MGAT4C: variants seen among roughly 807,000 people sequenced by gnomAD.
The protein encoded by MGAT4C is alpha-1,3-mannosyl-glycoprotein 4-beta-N-acetylglucosaminyltransferase C.
A neutral mutation model predicts 40.1 loss-of-function variants in MGAT4C; 19 were observed. That is an observed-to-expected ratio of 0.47 (90% CI 0.33 to 0.70). MGAT4C has a LOEUF of 0.70. MGAT4C is among the 30% of genes least tolerant of loss of function. The pLI, the probability that MGAT4C is intolerant of heterozygous loss-of-function variation, is 0.02. For missense variants in MGAT4C, 491 were observed against 563.2 expected (o/e 0.87, Z 1.30); for synonymous variants, 181 against 187.1 (o/e 0.97, Z 0.27).
intron 3 of MGAT4C, among the ~76,000 whole-genome samples, chr12:86,430,464 C>T (rs904444032): frequency 1.3e-5 from 2 of 152,086 alleles, no homozygotes; most frequent in Admixed American, 6.6e-5. Flanking sequence ...CTGGGGACAT[C>T]CTTGGGGAGG....
rs1016870629 is a variant in MGAT4C, at chr12:85,957,439, G to A, written c.*21850C>T. ...CTAGCCTTCCTTTCATGACATGCAT[G>A]AACTCTAGCAGTGGCTAGAAGGAAA... On this transcript the variant is annotated 3_prime_UTR_variant, in exon 5 of 5. Coordinates refer to ENST00000611864, the MANE Select transcript of MGAT4C (RefSeq NM_001351288.2). 7.9e-5 allele frequency: 12 copies of A among 152,084 alleles called. No individual in the cohort carries two copies. The highest frequency in any genetic ancestry group is 2.7e-4 in the African/African-American group (11 of 41,426). The allele number at this position is 152,084 out of a possible 1,614,324, so 9.4% of individuals were successfully genotyped here. A position where few individuals can be genotyped will look rare whatever the true frequency, so the allele number is the denominator to read the frequency against.
intron 2 of MGAT4C, among the ~76,000 whole-genome samples, chr12:86,723,129 T>G (rs1351554834): frequency 6.6e-6 from 1 of 152,204 alleles, no homozygotes; most frequent in East Asian, 1.9e-4. Context: ...AACAACATTG[T>G]CTCTTACTAC....
At chr12:85,983,753 A>G in intron 3 of MGAT4C, 83 bp from the exon 4 acceptor site, 2 of 1,122,688 alleles carry the variant, frequency 1.8e-6, no homozygotes, top group Non-Finnish European at 2.5e-6. Flanking sequence ...TACACAATAA[A>G]TGTACGACTA....
chr12:86,750,808 T>C (rs1020599604), intron 1 of MGAT4C, among the ~76,000 whole-genome samples: 3 of 151,870 alleles, frequency 2.0e-5, no homozygotes, highest in Non-Finnish European at 2.9e-5. Flanking sequence ...TAGTCAACAA[T>C]TGTTGAAGGC....
chr12:86,104,358 C>T (rs1356479264), intron 1 of MGAT4C, among the ~76,000 whole-genome samples: 3 of 151,780 alleles, frequency 2.0e-5, no homozygotes, highest in South Asian at 2.1e-4. Flanking sequence ...GACAGTCAAT[C>T]GAGCCTAGGA....
At chr12:86,431,449 G>C (rs1338414689) in intron 3 of MGAT4C, among the ~76,000 whole-genome samples, 1 of 152,146 alleles carries the variant, frequency 6.6e-6, no homozygotes, top group East Asian at 1.9e-4. Context: ...CCAGGAGAGA[G>C]GGTGTTTTCA....
chr12:86,616,946 T>TTC, intron 2 of MGAT4C, among the ~76,000 whole-genome samples: 1 of 152,304 alleles, frequency 6.6e-6, no homozygotes, highest in Non-Finnish European at 1.5e-5. Context: ...AAACCTGTTA[T>TTC]TTGTTGTGTT....
chr12:86,057,802 A>G (rs1403907557), intron 1 of MGAT4C, among the ~76,000 whole-genome samples: 3 of 152,204 alleles, frequency 2.0e-5, no homozygotes, highest in Non-Finnish European at 4.4e-5. Flanking sequence ...ATAAATTCAT[A>G]TAAGATTTTC....
At chr12:86,483,496 G>A (rs1957969100) in intron 2 of MGAT4C, among the ~76,000 whole-genome samples, 1 of 151,918 alleles carries the variant, frequency 6.6e-6, no homozygotes, top group African/African-American at 2.4e-5. Context: ...TTTCTTGAAG[G>A]AAAATCAAAA....
chr12:86,323,130 G>T (rs1211975268), intron 4 of MGAT4C, among the ~76,000 whole-genome samples: 6 of 141,392 alleles, frequency 4.2e-5, no homozygotes, highest in African/African-American at 1.5e-4. Context: ...TTTCTTGGAA[G>T]TTTTTTTTTT....
At chr12:86,268,935 C>T (rs550018503) in intron 4 of MGAT4C, among the ~76,000 whole-genome samples, 11 of 139,808 alleles carry the variant, frequency 7.9e-5, no homozygotes, top group Admixed American at 1.5e-4. Flanking sequence ...TATTACAGTA[C>T]CCCTTTCGAA....
intron 2 of MGAT4C, chr12:86,011,884 C>T (rs1355621243): frequency 1.4e-5 from 14 of 984,008 alleles, no homozygotes; most frequent in African/African-American, 1.7e-5. Flanking sequence ...ATATAAACTT[C>T]CATGTCACAT....
intron 1 of MGAT4C, among the ~76,000 whole-genome samples, chr12:86,065,574 C>T (rs1894459332): frequency 6.6e-6 from 1 of 151,810 alleles, no homozygotes; most frequent in Non-Finnish European, 1.5e-5. Flanking sequence ...ATAATAGGAG[C>T]TATTTATGAC....
At chr12:86,159,877 TATA>T (rs763234571) in intron 1 of MGAT4C, among the ~76,000 whole-genome samples, 27 of 152,070 alleles carry the variant, frequency 1.8e-4, no homozygotes, top group Non-Finnish European at 3.7e-4. Flanking sequence ...TGGGGTCAGT[TATA>T]ATATCACCTT....
intron 2 of MGAT4C, among the ~76,000 whole-genome samples, chr12:86,643,908 T>TTAAAAGGTGAATTTGTTGTTTTGTGAA (rs1963462069): frequency 6.6e-6 from 1 of 151,790 alleles, no homozygotes; most frequent in African/African-American, 2.4e-5. Flanking sequence ...ATTGTATACT[T>TTAAAAGGTGAATTTGTTGTTTTGTGAA]TAAAAGGTGA....
intron 1 of MGAT4C, among the ~76,000 whole-genome samples, chr12:86,100,590 C>T (rs934722206): frequency 9.9e-5 from 15 of 151,310 alleles, no homozygotes; most frequent in Admixed American, 3.3e-4. Flanking sequence ...TTGACATATA[C>T]GATGGTTTGC....
At chr12:86,783,036 T>A (rs1951870765) in intron 1 of MGAT4C, among the ~76,000 whole-genome samples, 1 of 152,170 alleles carries the variant, frequency 6.6e-6, no homozygotes, top group Non-Finnish European at 1.5e-5. Flanking sequence ...TCCTAAATTA[T>A]CTCATAGCTT....
At chr12:86,253,898 T>A (rs893949528) in intron 1 of MGAT4C, among the ~76,000 whole-genome samples, 2 of 151,988 alleles carry the variant, frequency 1.3e-5, no homozygotes, top group African/African-American at 4.8e-5. Flanking sequence ...CAAAAGAGTA[T>A]TATTTTGCAA....
At chr12:86,732,037 C>T (rs534778070) in intron 1 of MGAT4C, among the ~76,000 whole-genome samples, 2 of 152,196 alleles carry the variant, frequency 1.3e-5, no homozygotes, top group East Asian at 1.9e-4. Flanking sequence ...ATTATGCTTT[C>T]GATTTTCTAT....
Sources: gnomAD v4.1 joint callset for allele counts (sites outside exome capture counted in the v4.1 genomes callset) on GRCh38, gnomAD v4.1.1 for gene constraint, MANE v1.5 for transcripts, NCBI Gene and HGNC (gene_info 2026-07-23, HGNC 2026-07-21) for gene names.